ZNF287: variants seen among roughly 807,000 people sequenced by gnomAD.
ZNF287 encodes the protein zinc finger protein with KRAB and SCAN domains 13.
ZNF287 carries 31 observed loss-of-function variants against 73.7 expected under a neutral mutation model. The ratio of observed to expected loss-of-function variants is 0.42; its 90% confidence interval spans 0.32 to 0.57. The LOEUF is 0.57. Among genes scored for constraint, ZNF287 ranks in the 20% least tolerant of loss-of-function variants. The pLI, the probability that ZNF287 is intolerant of heterozygous loss-of-function variation, is 0.13. For missense variants in ZNF287, 641 were observed against 909.3 expected (o/e 0.70, Z 3.79); for synonymous variants, 301 against 307.2 (o/e 0.98, Z 0.21).
chr17:16,559,586 C>CACACACAG (rs1221167151), intron 5 of ZNF287, among the ~76,000 whole-genome samples: 3 of 151,822 alleles, frequency 2.0e-5, no homozygotes, highest in African/African-American at 7.3e-5. Flanking sequence ...CACACACACA[C>CACACACAG]ACACACACAC....
Position 16,549,898 on chromosome 17 carries a change from T to G in ZNF287, c.*1958A>C, listed in dbSNP as rs765705788. Among the ~76,000 whole-genome samples, 1 of 152,190 alleles carries G rather than the reference T, an allele frequency of 6.6e-6. No individual in the cohort carries two copies. On this transcript the variant is annotated 3_prime_UTR_variant, in exon 6 of 6. Coordinates refer to ENST00000395825, the MANE Select transcript of ZNF287 (RefSeq NM_020653.4). Reference sequence around the variant, plus strand: ...TTCTTTGATATATGCACAAAAATATTTTTCGTTATACCAATTTTCACTCCA... The same window carrying G: ...TTCTTTGATATATGCACAAAAATATGTTTCGTTATACCAATTTTCACTCCA...
rs116770543 is a variant in ZNF287 at position 16,547,000 on chromosome 17, G to C, written c.*4856C>G. Among the ~76,000 whole-genome samples, 605 of 152,252 alleles carry C rather than the reference G, an allele frequency of 4.0e-3. 7 individuals carry two copies. The highest frequency in any genetic ancestry group is 0.014 in the African/African-American group (586 of 41,538). ...TTTTAATGGTTATAGTGTTCTAAGGGGCTAATAATTATGAAAGATAGAGCC... is the reference window on the plus strand; with the variant it reads ...TTTTAATGGTTATAGTGTTCTAAGGCGCTAATAATTATGAAAGATAGAGCC... On this transcript the variant is annotated 3_prime_UTR_variant, in exon 6 of 6. Coordinates refer to ENST00000395825, the MANE Select transcript of ZNF287 (RefSeq NM_020653.4).
chr17:16,560,169 A>C (rs147010897), intron 5 of ZNF287, among the ~76,000 whole-genome samples: 12,282 of 151,470 alleles, frequency 0.081, 1,683 homozygotes, highest in African/African-American at 0.28. Flanking sequence ...ACCATGTTGG[A>C]CAGGCTGGTC....
Position 16,549,166 on chromosome 17 carries a change from A to G in ZNF287, c.*2690T>C, listed in dbSNP as rs922176587. 2.6e-5 allele frequency among the ~76,000 whole-genome samples: 4 copies of G among 152,220 alleles called. No homozygotes were observed. The highest frequency in any genetic ancestry group is 1.3e-4 in the Admixed American group (2 of 15,280). On this transcript the variant is annotated 3_prime_UTR_variant, in exon 6 of 6. Coordinates refer to ENST00000395825, the MANE Select transcript of ZNF287 (RefSeq NM_020653.4). ...CTATATATTTGAAAACTCATAATAA[A>G]AAGTTCTGGAAAATAAGGCTATTTG...
In ZNF287 at chr17:16,551,934, T is replaced by A. The variant is rs746884737; in HGVS notation, c.2208A>T (p.Ile736=). The A allele has an allele frequency of 6.2e-7, 1 of 1,614,094 alleles. No individual in the cohort carries two copies. The highest frequency in any genetic ancestry group is 8.5e-7 in the Non-Finnish European group (1 of 1,179,948). Residue 736 remains isoleucine (I), a synonymous_variant, in exon 6 of 6, where the codon ATA becomes ATT. Coordinates refer to ENST00000395825, the MANE Select transcript of ZNF287 (RefSeq NM_020653.4). ...TACTCTGGGTGAAGGTTTTACCACA[T>A]ATACGACATGCATAGGGTTTCTCTC... The part of the protein sequence containing the change: ...HTGEKPYACR[I]CGKTFTQSTN...
intron 5 of ZNF287, among the ~76,000 whole-genome samples, chr17:16,554,590 C>T (rs529901105): frequency 2.0e-5 from 3 of 152,174 alleles, no homozygotes; most frequent in East Asian, 3.8e-4. Flanking sequence ...TAGTCCAGCT[C>T]ATATTTCTCT....
Position 16,552,109 on chromosome 17 carries a change from C to G in ZNF287, c.2033G>C (p.Cys678Ser). The G allele has an allele frequency of 6.2e-7, 1 of 1,614,080 alleles. No individual in the cohort carries two copies. The highest frequency in any genetic ancestry group is 8.5e-7 in the Non-Finnish European group (1 of 1,179,970). ...AATGAAAGCTTTCCCACATTCATTA[C>G]ATTTATAGGGTTTTTCTCCAGTATG... ...RIHTGEKPYK[C>S]NECGKAFIYS... is the part of the protein sequence containing the mutation. The change falls in exon 6 of 6, where the codon TGT becomes TCT. Residue 678 changes from cysteine (C) to serine (S), a missense_variant. Transcript: ENST00000395825. The surrounding 1 kb of genome is among the most constrained non-coding windows in gnomAD (Gnocchi z 6.5).
At chr17:16,563,855 T>A in intron 3 of ZNF287, 30 bp from the exon 4 acceptor site, 1 of 1,607,532 alleles carries the variant, frequency 6.2e-7, no homozygotes, top group Non-Finnish European at 8.5e-7. Context: ...TTAACTCAGT[T>A]CAAGAACTAA....
chr17:16,568,231 T>G (rs1431307661), intron 1 of ZNF287: 1 of 152,958 alleles, frequency 6.5e-6, no homozygotes, highest in African/African-American at 2.4e-5. Flanking sequence ...ATAGTTTCAT[T>G]ATTTTAGTCA....
intron 5 of ZNF287, among the ~76,000 whole-genome samples, chr17:16,558,716 C>A (rs1907230371): frequency 6.6e-6 from 1 of 152,134 alleles, no homozygotes; most frequent in Non-Finnish European, 1.5e-5. Flanking sequence ...TGCTATGGCT[C>A]ACACCTGTAG....
intron 5 of ZNF287, among the ~76,000 whole-genome samples, chr17:16,554,004 C>A (rs896333760): frequency 6.6e-6 from 1 of 152,180 alleles, no homozygotes; most frequent in Non-Finnish European, 1.5e-5. Context: ...GAAACTCTGG[C>A]AGTAGAGCTG....
chr17:16,560,161 C>T (rs1265374256), intron 5 of ZNF287, among the ~76,000 whole-genome samples: 1 of 151,668 alleles, frequency 6.6e-6, no homozygotes, highest in African/African-American at 2.4e-5. Context: ...AGGGTTTTAC[C>T]ATGTTGGACA....
In ZNF287 at chr17:16,552,366, A is replaced by G. The variant is rs757111179; in HGVS notation, c.1776T>C (p.Tyr592=). The G allele has an allele frequency of 1.2e-6, 2 of 1,613,912 alleles. No homozygotes were observed. Among genetic ancestry groups the G allele is most frequent in the Non-Finnish European group, 1.7e-6 (2 of 1,179,992 alleles). ...AGGCTTTCCCACATATATTACATAT[A>G]TAGGATTTCTCTCCAGTGTGAGTGG... The part of the protein sequence containing the change: ...HQTTHTGEKS[Y]ICNICGKAFS... Residue 592 remains tyrosine, a synonymous_variant, in exon 6 of 6, where the codon TAT becomes TAC. Coordinates refer to ENST00000395825, the MANE Select transcript of ZNF287 (RefSeq NM_020653.4). The surrounding 1 kb of genome is among the most constrained non-coding windows in gnomAD (Gnocchi z 6.5).
rs1167603851 is a variant in ZNF287 at position 16,552,787 on chromosome 17, T to A, written c.1355A>T (p.Tyr452Phe). 1 of 1,614,026 alleles carries A rather than the reference T, an allele frequency of 6.2e-7. No individual in the cohort carries two copies. The highest frequency in any genetic ancestry group is 1.7e-5 in the Admixed American group (1 of 60,006). ...GTCTTTCCCACAGTCATCACACTTA[T>A]AGGGTTTCTCTCCAGTATGAATTCT... is the stretch of plus-strand genomic sequence containing the variant. ...HQRIHTGEKP[Y>F]KCDDCGKDFS... is the part of the protein sequence containing the mutation. The change falls in exon 6 of 6, where the codon TAT (tyrosine) becomes TTT (phenylalanine). Residue 452 changes from tyrosine to phenylalanine, a missense_variant. Tyr to Phe is a conservative substitution (Grantham distance 22, BLOSUM62 3). Coordinates refer to ENST00000395825, the MANE Select transcript of ZNF287 (RefSeq NM_020653.4). The surrounding 1 kb of genome is among the most constrained non-coding windows in gnomAD (Gnocchi z 6.5).
rs778868896 is a variant in ZNF287 at position 16,552,537 on chromosome 17, T to C, written c.1605A>G (p.Pro535=). ...QHQKIHTGKK[P]YKCNECWKVF... ...CTTTCCAACATTCATTGCATTTATA[T>C]GGTTTCTTCCCAGTATGTATTTTTT... Residue 535 remains proline, a synonymous_variant, in exon 6 of 6, where the codon CCA becomes CCG. Transcript: ENST00000395825. This position sits in a 1 kb window ranked among gnomAD's most constrained non-coding sequence, Gnocchi z 6.5. The C allele has an allele frequency of 9.4e-5, 151 of 1,614,024 alleles. No homozygotes were observed. Among genetic ancestry groups the C allele is most frequent in the Non-Finnish European group, 1.2e-4 (143 of 1,179,990 alleles).
Position 16,552,502 on chromosome 17 carries a change from TG to T in ZNF287, c.1639del (p.Gln547ArgfsTer218), listed in dbSNP as rs1217014182. On this transcript the variant is annotated frameshift_variant, in exon 6 of 6. Transcript: ENST00000395825. LOFTEE classifies it high-confidence loss of function. This position sits in a 1 kb window ranked among gnomAD's most constrained non-coding sequence, Gnocchi z 6.5. ...KCNECWKVFS[Q>X]STYLIRHQRI... The stretch of plus-strand genomic sequence containing the variant: ...CTGATGTCGAATAAGGTAAGTACTC[TG>T]ACTAAACACTTTCCAACATTCATTG... The T allele has an allele frequency of 6.2e-7, 1 of 1,614,034 alleles. No homozygotes were observed. Among genetic ancestry groups the T allele is most frequent in the African/African-American group, 1.3e-5 (1 of 74,934 alleles).
chr17:16,556,182 A>G (rs1447779236), intron 5 of ZNF287, among the ~76,000 whole-genome samples: 1 of 152,138 alleles, frequency 6.6e-6, no homozygotes, highest in Admixed American at 6.5e-5. Context: ...ACACACACAC[A>G]CACACACACA....
chr17:16,547,118 T>C lies in ZNF287; in HGVS notation c.*4738A>G, dbSNP rs1001109514. ...AGACAAAGAATGAAACATAACAGCC[T>C]TAAAGTTTTAGAGACCAAATAAAGG... is the stretch of plus-strand genomic sequence containing the variant. On this transcript the variant is annotated 3_prime_UTR_variant, in exon 6 of 6. Coordinates refer to ENST00000395825, the MANE Select transcript of ZNF287 (RefSeq NM_020653.4). Among the ~76,000 whole-genome samples the C allele has an allele frequency of 1.3e-5, 2 of 152,170 alleles. No homozygotes were observed. The highest frequency in any genetic ancestry group is 2.9e-5 in the Non-Finnish European group (2 of 68,024).
chr17:16,560,123 T>TTG (rs1907330269), intron 5 of ZNF287, among the ~76,000 whole-genome samples: 1 of 151,098 alleles, frequency 6.6e-6, no homozygotes, highest in African/African-American at 2.4e-5. Flanking sequence ...CAGCTAATTT[T>TTG]TGTATTATTA....
Sources: allele counts gnomAD v4.1 joint callset (sites outside exome capture counted in the v4.1 genomes callset), GRCh38; gene constraint gnomAD v4.1.1; non-coding constraint Gnocchi (gnomAD v3.1); transcripts MANE v1.5; gene names NCBI Gene and HGNC (gene_info 2026-07-23, HGNC 2026-07-21).